Variants in DNAJC1 observed in about 807,000 individuals in gnomAD.
DNAJC1 encodes the protein DnaJ heat shock protein family (Hsp40) member C1.
A neutral mutation model predicts 76.6 loss-of-function variants in DNAJC1; 58 were observed. The observed-to-expected ratio is 0.76, with a 90% CI of 0.61 to 0.94. The LOEUF (loss-of-function observed/expected upper bound fraction) is 0.94, where lower values mean the gene tolerates loss of function less well. DNAJC1 is among the 40% of genes least tolerant of loss of function. DNAJC1 has a pLI of 0.00. For synonymous variants in DNAJC1, 258 were observed against 267.9 expected, an observed-to-expected ratio of 0.96 and a Z score of 0.36; for missense variants, 689 against 677.3, an observed-to-expected ratio of 1.02 and a Z score of -0.19.
chr10:21,929,173 A>G (rs1002580711), intron 1 of DNAJC1, 32 bp from the exon 2 acceptor site: 2 of 1,489,060 alleles, frequency 1.3e-6, no homozygotes, highest in Non-Finnish European at 1.8e-6. Flanking sequence ...GAAAATACAA[A>G]GCAAACTTTG....
intron 1 of DNAJC1, among the ~76,000 whole-genome samples, chr10:21,956,009 T>C (rs553412601): frequency 7.2e-5 from 11 of 152,324 alleles, no homozygotes; most frequent in African/African-American, 2.6e-4. Context: ...GCCAATCTCA[T>C]TATCTTTGTA....
intron 9 of DNAJC1, among the ~76,000 whole-genome samples, chr10:21,768,033 A>G (rs992811733): frequency 6.6e-6 from 1 of 152,082 alleles, no homozygotes; most frequent in African/African-American, 2.4e-5. Context: ...ATTACTCCAG[A>G]AAGTTCCCTT....
intron 7 of DNAJC1, among the ~76,000 whole-genome samples, chr10:21,885,241 A>C (rs888243671): frequency 6.6e-6 from 1 of 152,126 alleles, no homozygotes; most frequent in African/African-American, 2.4e-5. Flanking sequence ...AAAAAACACA[A>C]AAAAAGGGCA....
At chr10:21,928,306 T>C (rs1310884399) in intron 3 of DNAJC1, among the ~76,000 whole-genome samples, 200 bp downstream of exon 3, 2 of 152,172 alleles carry the variant, frequency 1.3e-5, no homozygotes, top group African/African-American at 2.4e-5. Context: ...CTGAAGCTTG[T>C]ATGTATCAAA....
intron 7 of DNAJC1, among the ~76,000 whole-genome samples, chr10:21,895,208 C>A (rs1836522000): frequency 6.6e-6 from 1 of 152,094 alleles, no homozygotes. Flanking sequence ...GAGAGCTCTG[C>A]AGAAGAGGAG....
chr10:21,993,216 A>C (rs535702659), intron 1 of DNAJC1, among the ~76,000 whole-genome samples: 2 of 152,312 alleles, frequency 1.3e-5, no homozygotes, highest in South Asian at 4.2e-4. Context: ...TACACACATA[A>C]GTATATAAAT....
At chr10:21,762,014 T>C (rs921789838) in intron 10 of DNAJC1, among the ~76,000 whole-genome samples, 4 of 152,186 alleles carry the variant, frequency 2.6e-5, no homozygotes, top group African/African-American at 4.8e-5. Context: ...TTCAAGTGAT[T>C]CTCCTGCCTC....
intron 9 of DNAJC1, among the ~76,000 whole-genome samples, chr10:21,769,781 G>A (rs929978166): frequency 2.0e-5 from 3 of 152,136 alleles, no homozygotes; most frequent in African/African-American, 7.2e-5. Flanking sequence ...CTGCCTCCCA[G>A]GTTCAAGCAA....
chr10:21,951,115 T>C (rs1263098371), intron 1 of DNAJC1, among the ~76,000 whole-genome samples: 2 of 151,050 alleles, frequency 1.3e-5, no homozygotes, highest in Admixed American at 1.3e-4. Flanking sequence ...AAGTCAGGAG[T>C]TCGAGACCAG....
At position 22,003,329 on chromosome 10, in the gene DNAJC1, G is replaced by C; in HGVS notation, c.106C>G (p.Leu36Val). 1 of 1,516,584 alleles carries C rather than the reference G, an allele frequency of 6.6e-7. No homozygotes were observed. Among genetic ancestry groups the C allele is most frequent in the Non-Finnish European group, 8.8e-7 (1 of 1,132,408 alleles). 93.9% of individuals were successfully genotyped at this position (1,516,584 alleles called of 1,614,324 possible). Residue 36 changes from leucine (L) to valine (V), a missense_variant, in exon 1 of 12, where the codon CTG becomes GTG. Transcript: ENST00000376980. ...PPRTPLLWLL[L>V]LLLAAVAPAR... ...GGCGCCACGGCGGCCAGCAGCAGCA[G>C]CAGCAGCCACAGCAGCGGCGTCCGC...
chr10:21,837,826 G>C (rs1204385801), intron 8 of DNAJC1, among the ~76,000 whole-genome samples: 1 of 136,360 alleles, frequency 7.3e-6, no homozygotes, highest in East Asian at 2.2e-4. Flanking sequence ...GGAGGGAGGT[G>C]GGGGGCAGCC....
intron 8 of DNAJC1, among the ~76,000 whole-genome samples, chr10:21,834,523 A>G (rs2131671770): frequency 6.6e-6 from 1 of 152,344 alleles, no homozygotes; most frequent in African/African-American, 2.4e-5. Flanking sequence ...AGGGCGAGGC[A>G]TCGCCTCACC....
intron 9 of DNAJC1, among the ~76,000 whole-genome samples, chr10:21,779,053 C>T (rs934395964): frequency 2.6e-5 from 4 of 152,130 alleles, no homozygotes; most frequent in Admixed American, 6.5e-5. Flanking sequence ...GGGGGAGGGG[C>T]GCCTGCCATT....
chr10:21,898,602 G>A (rs1316673774), intron 7 of DNAJC1, among the ~76,000 whole-genome samples: 1 of 150,440 alleles, frequency 6.6e-6, no homozygotes, highest in Non-Finnish European at 1.5e-5. Context: ...GCCCAGGCTG[G>A]AGTGCAATGG....
chr10:21,896,094 A>T (rs992484451), intron 7 of DNAJC1, among the ~76,000 whole-genome samples: 1 of 152,016 alleles, frequency 6.6e-6, no homozygotes, highest in Non-Finnish European at 1.5e-5. Flanking sequence ...GGCCCAGGCA[A>T]GGAAATGCCA....
At chr10:21,993,721 C>G (rs1838365827) in intron 1 of DNAJC1, among the ~76,000 whole-genome samples, 1 of 152,124 alleles carries the variant, frequency 6.6e-6, no homozygotes, top group African/African-American at 2.4e-5. Flanking sequence ...TAACATTATT[C>G]TAATTCCTCT....
chr10:21,769,063 C>T (rs537668359), intron 9 of DNAJC1, among the ~76,000 whole-genome samples: 1 of 152,282 alleles, frequency 6.6e-6, no homozygotes, highest in East Asian at 1.9e-4. Context: ...CCTCCACTGG[C>T]CTCTCCTATA....
At chr10:21,888,031 T>C (rs1343255608) in intron 7 of DNAJC1, among the ~76,000 whole-genome samples, 2 of 151,910 alleles carry the variant, frequency 1.3e-5, no homozygotes, top group East Asian at 1.9e-4. Context: ...CTTCAATAAA[T>C]ATACAAGAGA....
intron 9 of DNAJC1, chr10:21,785,450 T>TA (rs1408434250): frequency 6.6e-6 from 1 of 152,280 alleles, no homozygotes; most frequent in Non-Finnish European, 1.5e-5. Context: ...TGAAGGAGGA[T>TA]ATTCTCTGGT....
Sources: gnomAD v4.1 joint callset for allele counts (sites outside exome capture counted in the v4.1 genomes callset) on GRCh38, gnomAD v4.1.1 for gene constraint, MANE v1.5 for transcripts, NCBI Gene and HGNC (gene_info 2026-07-23, HGNC 2026-07-21) for gene names.